ROR2: variants seen among roughly 807,000 people sequenced by gnomAD.
The protein encoded by ROR2 is tyrosine-protein kinase transmembrane receptor ROR2.
ROR2 carries 33 observed loss-of-function variants against 74.9 expected under a neutral mutation model. That is an observed-to-expected ratio of 0.44 (90% CI 0.33 to 0.59). The LOEUF is 0.59. ROR2 is among the 20% of genes least tolerant of loss of function. ROR2 has a pLI of 0.02. For synonymous variants in ROR2, 586 were observed against 558.7 expected (o/e 1.05, Z -0.69); for missense variants, 1,216 against 1,313.8 (o/e 0.93, Z 1.15).
intron 1 of ROR2, among the ~76,000 whole-genome samples, chr9:91,885,899 A>AG (rs1448088194): frequency 7.0e-6 from 1 of 143,156 alleles, no homozygotes; most frequent in Admixed American, 7.1e-5. Flanking sequence ...TTGAGACAGA[A>AG]TTTCACTCTT....
intron 1 of ROR2, among the ~76,000 whole-genome samples, chr9:91,935,945 C>CG (rs1831671966): frequency 6.6e-6 from 1 of 152,212 alleles, no homozygotes; most frequent in African/African-American, 2.4e-5. Flanking sequence ...GGATGACAAG[C>CG]GGTGAACACA....
Position 91,823,716 on chromosome 9 carries a change from A to G in ROR2, c.98-47898T>C, listed in dbSNP as rs535131690. Among the ~76,000 whole-genome samples, 60 of 152,304 alleles carry G rather than the reference A, an allele frequency of 3.9e-4. 2 individuals carry two copies. The highest frequency in any genetic ancestry group is 1.1e-3 in the African/African-American group (46 of 41,548). Reference sequence around the variant, plus strand: ...TGTGTGTTTGCAGTATTATCTTTCAACTTTTGTGCATATTTGAAAACTCTC... The same window carrying G: ...TGTGTGTTTGCAGTATTATCTTTCAGCTTTTGTGCATATTTGAAAACTCTC... On this transcript the variant is annotated intron_variant, in intron 1 of 8. Coordinates refer to ENST00000375708, the MANE Select transcript of ROR2 (RefSeq NM_004560.4).
intron 1 of ROR2, among the ~76,000 whole-genome samples, chr9:91,890,768 T>TA (rs1165392656): frequency 6.6e-6 from 1 of 152,250 alleles, no homozygotes; most frequent in Non-Finnish European, 1.5e-5. Context: ...CAGAAATCTG[T>TA]ATCTTCTCCT....
intron 1 of ROR2, among the ~76,000 whole-genome samples, chr9:91,787,741 T>A (rs1246333628): frequency 6.6e-6 from 1 of 152,132 alleles, no homozygotes; most frequent in Middle Eastern, 3.2e-3. Flanking sequence ...AATTGTCCAA[T>A]TTTTAACAGA....
intron 1 of ROR2, among the ~76,000 whole-genome samples, chr9:91,852,092 C>G (rs1409636410): frequency 1.3e-5 from 2 of 151,660 alleles, no homozygotes; most frequent in Non-Finnish European, 2.9e-5. Flanking sequence ...TCCTGGGTAT[C>G]TGAATGGCTT....
intron 1 of ROR2, among the ~76,000 whole-genome samples, chr9:91,805,735 C>A (rs1026160643): frequency 6.6e-6 from 1 of 152,254 alleles, no homozygotes; most frequent in African/African-American, 2.4e-5. Flanking sequence ...ATATGCACAC[C>A]TTTCAACCCA....
rs140473536 is a variant in ROR2, at chr9:91,730,048, C to T, written c.1183+862G>A. On this transcript the variant is annotated intron_variant, in intron 7 of 8. Coordinates refer to ENST00000375708, the MANE Select transcript of ROR2 (RefSeq NM_004560.4). ...GATGGCTCACTGCAGCCTTGAACTA[C>T]TGGGCTCAAGCAATCCTCCCACCTC... Among the ~76,000 whole-genome samples the T allele has an allele frequency of 1.4e-3, 211 of 152,310 alleles. 3 individuals carry two copies. Among genetic ancestry groups the T allele is most frequent in the Admixed American group, 2.5e-3 (38 of 15,302 alleles).
At chr9:91,907,502 T>C (rs568344594) in intron 1 of ROR2, among the ~76,000 whole-genome samples, 1 of 152,222 alleles carries the variant, frequency 6.6e-6, no homozygotes, top group African/African-American at 2.4e-5. Flanking sequence ...TCGTTATCAC[T>C]GAAGTGGGAT....
intron 4 of ROR2, among the ~76,000 whole-genome samples, chr9:91,753,179 A>G (rs1282654232): frequency 6.6e-6 from 1 of 152,238 alleles, no homozygotes; most frequent in Non-Finnish European, 1.5e-5. Context: ...TAACATGAAA[A>G]ACAAATTATT....
intron 1 of ROR2, among the ~76,000 whole-genome samples, chr9:91,843,629 T>A (rs541858260): frequency 6.4e-4 from 97 of 152,324 alleles, no homozygotes; most frequent in African/African-American, 2.3e-3. Flanking sequence ...AATTACTATA[T>A]GTCTAGAGAC....
intron 1 of ROR2, among the ~76,000 whole-genome samples, chr9:91,927,845 T>C (rs972243241): frequency 6.6e-6 from 1 of 152,154 alleles, no homozygotes; most frequent in Non-Finnish European, 1.5e-5. Flanking sequence ...ATTACAGGCG[T>C]GAGCCACCGC....
chr9:91,852,651 C>CACACACACACACACACA (rs1231343818), intron 1 of ROR2, among the ~76,000 whole-genome samples: 1,580 of 143,114 alleles, frequency 0.011, 65 homozygotes, highest in African/African-American at 0.038. Flanking sequence ...ACACACACAC[C>CACACACACACACACACA]CACACACACA....
At chr9:91,908,168 C>G (rs1373695614) in intron 1 of ROR2, among the ~76,000 whole-genome samples, 2 of 152,186 alleles carry the variant, frequency 1.3e-5, no homozygotes, top group Non-Finnish European at 2.9e-5. Context: ...AAGCAACTCC[C>G]TGGTTTCCAT....
At chr9:91,918,442 G>A (rs1489879094) in intron 1 of ROR2, among the ~76,000 whole-genome samples, 2 of 152,120 alleles carry the variant, frequency 1.3e-5, no homozygotes, top group East Asian at 3.9e-4. Context: ...TTAAAAGAAG[G>A]TGGAGGAAAA....
At chr9:91,892,590 C>CTTTTTTTTTTT (rs547073635) in intron 1 of ROR2, among the ~76,000 whole-genome samples, 15 of 105,464 alleles carry the variant, frequency 1.4e-4, no homozygotes, top group Non-Finnish European at 2.7e-4. Flanking sequence ...CTTTTCTTTT[C>CTTTTTTTTTTT]TTTTTTTTTT....
chr9:91,928,913 C>T (rs1188176210), intron 1 of ROR2, among the ~76,000 whole-genome samples: 4 of 152,166 alleles, frequency 2.6e-5, no homozygotes, highest in African/African-American at 7.2e-5. Flanking sequence ...GTTGAAAAGC[C>T]GTCATGTCAA....
intron 1 of ROR2, among the ~76,000 whole-genome samples, chr9:91,892,590 C>CTTTTTTT (rs547073635): frequency 2.8e-5 from 3 of 105,454 alleles, no homozygotes; most frequent in East Asian, 2.6e-4. Context: ...CTTTTCTTTT[C>CTTTTTTT]TTTTTTTTTT....
chr9:91,756,746 T>C (rs1290892576), intron 3 of ROR2, among the ~76,000 whole-genome samples: 9 of 66,426 alleles, frequency 1.4e-4, no homozygotes, highest in African/African-American at 2.2e-4. Context: ...TTGTTCTCTT[T>C]TTTTTTTTTT....
At chr9:91,740,222 C>A (rs1013926833) in intron 4 of ROR2, among the ~76,000 whole-genome samples, 4 of 152,148 alleles carry the variant, frequency 2.6e-5, no homozygotes, top group African/African-American at 4.8e-5. Flanking sequence ...CCCGCTCACA[C>A]TTCCCTCACC....
Sources: allele counts gnomAD v4.1 joint callset (sites outside exome capture counted in the v4.1 genomes callset), GRCh38; gene constraint gnomAD v4.1.1; transcripts MANE v1.5; gene names NCBI Gene and HGNC (gene_info 2026-07-23, HGNC 2026-07-21).